Variants in RTTN observed in about 807,000 individuals in gnomAD.
RTTN encodes the protein rotatin.
Under a neutral mutation model 269.2 loss-of-function variants are expected in RTTN, and 182 were observed. The observed-to-expected ratio is 0.68, with a 90% confidence interval of 0.60 to 0.76. The LOEUF is 0.76. RTTN is among the 30% of genes least tolerant of loss of function. The pLI, the probability that RTTN is intolerant of heterozygous loss-of-function variation, is 0.00. For missense variants in RTTN, 2,545 were observed against 2,608.6 expected (o/e 0.98, Z 0.53); for synonymous variants, 1,006 against 963.5 (o/e 1.04, Z -0.82).
In RTTN at chr18:70,003,828, T is replaced by C. The variant is rs1281584645; in HGVS notation, c.*323A>G. ...ATTTTTAGTTTCTAAAAATATTGTT[T>C]TATTAAATAACTGTTAAATAGGATT... On this transcript the variant is annotated 3_prime_UTR_variant, in exon 49 of 49. Transcript: ENST00000640769. The C allele has an allele frequency of 5.5e-6, 1 of 180,448 alleles. No homozygotes were observed. The highest frequency in any genetic ancestry group is 2.3e-5 in the African/African-American group (1 of 42,554). 11.2% of individuals were successfully genotyped at this position (180,448 alleles called of 1,614,324 possible).
At chr18:70,123,545 C>T (rs370527759) in intron 25 of RTTN, among the ~76,000 whole-genome samples, 4 of 151,928 alleles carry the variant, frequency 2.6e-5, no homozygotes, top group Non-Finnish European at 5.9e-5. Flanking sequence ...TCTTTGAATT[C>T]GACTTTTTTA....
chr18:70,167,629 G>T (rs971149610), intron 12 of RTTN, among the ~76,000 whole-genome samples: 1 of 151,834 alleles, frequency 6.6e-6, no homozygotes, highest in Non-Finnish European at 1.5e-5. Context: ...AGGCTGAGGC[G>T]GGAGGTGGAG....
At chr18:70,093,890 T>A (rs1002591821) in intron 28 of RTTN, among the ~76,000 whole-genome samples, 1 of 152,232 alleles carries the variant, frequency 6.6e-6, no homozygotes, top group Non-Finnish European at 1.5e-5. Flanking sequence ...AGATCCTCTT[T>A]GTACCTCTAG....
intron 23 of RTTN, among the ~76,000 whole-genome samples, chr18:70,132,298 T>C (rs1035907948): frequency 2.0e-4 from 30 of 152,052 alleles, no homozygotes; most frequent in Admixed American, 8.5e-4. Context: ...AAACCTGATA[T>C]ATTTTGAGAC....
chr18:70,004,903 T>C lies in RTTN; in HGVS notation c.6595+295A>G, dbSNP rs12968403. Among the ~76,000 whole-genome samples, 123,504 of 152,246 alleles carry C rather than the reference T, an allele frequency of 0.81. 55,186 individuals are homozygous for C. Among genetic ancestry groups the C allele is most frequent in the East Asian group, 1 (5,185 of 5,190 alleles). On this transcript the variant is annotated intron_variant, in intron 48 of 48. Transcript: ENST00000640769. The stretch of plus-strand genomic sequence containing the variant: ...GTTTTCTGCTCACAGTTAATTCTAA[T>C]TGGGCCAGTTCTTATCACTAAGAAC...
At position 70,047,696 on chromosome 18, in the gene RTTN, A is replaced by G. The variant is rs941570121; in HGVS notation, c.5541+275T>C. On this transcript the variant is annotated intron_variant, in intron 40 of 48. Transcript: ENST00000640769. ...ATATCCATTTTGGTCATGATATGAAACACTGTTTTGATCAACTGTTAGATT... is the reference window on the plus strand; with the variant it reads ...ATATCCATTTTGGTCATGATATGAAGCACTGTTTTGATCAACTGTTAGATT... 2.6e-5 allele frequency among the ~76,000 whole-genome samples: 4 copies of G among 152,374 alleles called. No homozygotes were observed. The East Asian group carries it at 5.8e-4, about 22-fold the overall frequency.
intron 30 of RTTN, among the ~76,000 whole-genome samples, chr18:70,088,491 C>A (rs1272347856): frequency 6.6e-6 from 1 of 152,102 alleles, no homozygotes; most frequent in African/African-American, 2.4e-5. Flanking sequence ...GGTAGCTATT[C>A]TTTGTTCTAC....
chr18:70,196,272 C>A (rs543420107), intron 7 of RTTN, among the ~76,000 whole-genome samples: 32 of 145,882 alleles, frequency 2.2e-4, no homozygotes, highest in Middle Eastern at 3.5e-3. Context: ...AAAAGAAAAA[C>A]ACCTTGTAAA....
intron 40 of RTTN, among the ~76,000 whole-genome samples, chr18:70,033,257 T>C (rs1245609438): frequency 6.6e-6 from 1 of 152,268 alleles, no homozygotes; most frequent in African/African-American, 2.4e-5. Context: ...GCCAGCACTA[T>C]GCTTCCTTAC....
chr18:70,144,886 G>A (rs1349192921), intron 18 of RTTN, among the ~76,000 whole-genome samples: 2 of 152,234 alleles, frequency 1.3e-5, no homozygotes, highest in South Asian at 2.1e-4. Context: ...AAACTTGAGT[G>A]AAATGAGAAA....
chr18:70,090,520 T>C (rs115047419), intron 30 of RTTN, among the ~76,000 whole-genome samples: 326 of 152,316 alleles, frequency 2.1e-3, no homozygotes, highest in African/African-American at 7.5e-3. Flanking sequence ...AGGTGAATGA[T>C]GTAGGCATTG....
At position 70,188,254 on chromosome 18, in the gene RTTN, G is replaced by A. The variant is rs535385652; in HGVS notation, c.1190-31C>T. 2.5e-6 allele frequency: 3 copies of A among 1,210,536 alleles called. No homozygotes were observed. The East Asian group carries it at 7.0e-5, about 28-fold the overall frequency. 75.0% of individuals were successfully genotyped at this position (1,210,536 alleles called of 1,614,324 possible). A position where few individuals can be genotyped will look rare whatever the true frequency, so the allele number is the denominator to read the frequency against. ...AATACAAACAGAAAAAAGTAAAGGAGAAGAAGTTACTTAACTTTAAAATAA... is the reference window on the plus strand; with the variant it reads ...AATACAAACAGAAAAAAGTAAAGGAAAAGAAGTTACTTAACTTTAAAATAA... On this transcript the variant is annotated intron_variant, in intron 9 of 48. Coordinates refer to ENST00000640769, the MANE Select transcript of RTTN (RefSeq NM_173630.4).
intron 18 of RTTN, among the ~76,000 whole-genome samples, chr18:70,144,932 G>A (rs2060350762): frequency 6.6e-6 from 1 of 152,206 alleles, no homozygotes; most frequent in African/African-American, 2.4e-5. Flanking sequence ...GAAAACAGTG[G>A]ACTAGTGGAC....
At chr18:70,016,436 G>A (rs1336762283) in intron 46 of RTTN, among the ~76,000 whole-genome samples, 1 of 152,094 alleles carries the variant, frequency 6.6e-6, no homozygotes, top group Non-Finnish European at 1.5e-5. Context: ...TGAAGAAGCT[G>A]GGCCCAGCGA....
rs188901248 is a variant in RTTN, at chr18:70,162,665, C to T, written c.1929+3397G>A. 3.9e-5 allele frequency among the ~76,000 whole-genome samples: 6 copies of T among 152,080 alleles called. No homozygotes were observed. In the East Asian group the frequency reaches 1.2e-3, roughly 29 times the overall value. On this transcript the variant is annotated intron_variant, in intron 14 of 48. Transcript: ENST00000640769. ...TCCAATTACCTCCTCCCACTGGGTC[C>T]CTCCCACGACACGTGGGGATTACAG...
At chr18:70,169,131 C>T (rs1304584810) in intron 11 of RTTN, 64 bp from the exon 12 acceptor site, 1 of 1,219,898 alleles carries the variant, frequency 8.2e-7, no homozygotes, top group Non-Finnish European at 1.1e-6. Context: ...TTTAGAGAAA[C>T]ATAGTGGGCT....
At chr18:70,125,716 G>C (rs2059847870) in intron 25 of RTTN, among the ~76,000 whole-genome samples, 1 of 151,810 alleles carries the variant, frequency 6.6e-6, no homozygotes, top group African/African-American at 2.4e-5. Context: ...TGATTTATGG[G>C]AATCTTCTAT....
At chr18:70,087,863 GGT>G in intron 31 of RTTN, 124 bp downstream of exon 31, 11 of 900,570 alleles carry the variant, frequency 1.2e-5, no homozygotes, top group Non-Finnish European at 1.8e-5. Context: ...ATTTTGTTTG[GGT>G]GTTCACAGAC....
chr18:70,056,598 C>G (rs1038897491), intron 37 of RTTN, among the ~76,000 whole-genome samples: 10 of 152,202 alleles, frequency 6.6e-5, no homozygotes, highest in African/African-American at 2.4e-4. Context: ...ATGGAGCTGA[C>G]TGTGCCCCTC....
Sources: gnomAD v4.1 joint callset for allele counts (sites outside exome capture counted in the v4.1 genomes callset) on GRCh38, gnomAD v4.1.1 for gene constraint, MANE v1.5 for transcripts, NCBI Gene and HGNC (gene_info 2026-07-23, HGNC 2026-07-21) for gene names.